Variants in TLR6 observed in about 807,000 individuals in gnomAD.
The protein encoded by TLR6 is toll-like receptor 6.
A neutral mutation model predicts 16.1 loss-of-function variants in TLR6; 9 were observed. The ratio of observed to expected loss-of-function variants is 0.56; its 90% CI spans 0.34 to 0.98. TLR6 has a LOEUF of 0.98. TLR6 is among the 50% of genes least tolerant of loss of function. TLR6 has a pLI of 0.02. For missense variants in TLR6, 786 were observed against 921.0 expected, an observed-to-expected ratio of 0.85 and a Z score of 1.90; for synonymous variants, 340 against 338.6, an observed-to-expected ratio of 1.00 and a Z score of -0.04.
At chr4:38,823,764 G>A (rs1442724819) in exon 2 of TLR6, 1 of 152,206 alleles carries the variant, frequency 6.6e-6, no homozygotes, top group Admixed American at 6.5e-5. Context: ...CGGCAGGGAA[G>A]ATGCCTGACC....
At chr4:38,848,755 G>C (rs573864811) in intron 1 of TLR6, among the ~76,000 whole-genome samples, 1 of 152,180 alleles carries the variant, frequency 6.6e-6, no homozygotes, top group African/African-American at 2.4e-5. Context: ...AACAAACAAA[G>C]CCTCCAAGAA....
chr4:38,849,392 A>G (rs1422145759), intron 1 of TLR6, among the ~76,000 whole-genome samples: 1 of 152,240 alleles, frequency 6.6e-6, no homozygotes, highest in Non-Finnish European at 1.5e-5. Flanking sequence ...ATAACCAGCT[A>G]ACATCATAAT....
chr4:38,824,142 C>T (rs959953833), exon 2 of TLR6: 1 of 152,108 alleles, frequency 6.6e-6, no homozygotes, highest in South Asian at 2.1e-4. Context: ...GGACATTTCC[C>T]GCATGGGACC....
At chr4:38,867,463 T>C in the TLR6 span, among the ~76,000 whole-genome samples, 1 of 151,892 alleles carries the variant, frequency 6.6e-6, no homozygotes, top group East Asian at 1.9e-4. Flanking sequence ...AGATCAAACT[T>C]TAGCTGAATT....
At chr4:38,844,981 C>T (rs1455495148) in intron 1 of TLR6, among the ~76,000 whole-genome samples, 1 of 152,158 alleles carries the variant, frequency 6.6e-6, no homozygotes, top group African/African-American at 2.4e-5. Flanking sequence ...ATCGTTCGAA[C>T]CTGGGAGGCG....
the TLR6 span, among the ~76,000 whole-genome samples, chr4:38,864,321 C>T: frequency 6.6e-6 from 1 of 152,172 alleles, no homozygotes; most frequent in Non-Finnish European, 1.5e-5. Context: ...GTATTTGGTA[C>T]ACAGTGCATG....
Position 38,827,511 on chromosome 4 carries a change from A to G in TLR6, c.1963T>C (p.Trp655Arg), listed in dbSNP as rs1276680020. Residue 655 changes from tryptophan (W) to arginine (R), a missense_variant, in exon 2 of 2, where the codon TGG (tryptophan) becomes CGG (arginine). By Grantham distance (101) the Trp-to-Arg change is moderately radical. Coordinates refer to ENST00000436693, the Ensembl canonical transcript of TLR6. ...TAAGGTACCAATTCACTTTTCACCC[A>G]GGCAGAATCATGTTCACTATATGAA... The G allele has an allele frequency of 6.8e-6, 11 of 1,614,224 alleles. No homozygotes were observed. In the East Asian group the frequency reaches 2.2e-4, roughly 33 times the overall value.
rs146077550 is a variant in TLR6, at chr4:38,840,191, A to G, written c.-64-10654T>C. 2.4e-3 allele frequency among the ~76,000 whole-genome samples: 371 copies of G among 152,350 alleles called. 4 individuals carry two copies. The highest frequency in any genetic ancestry group is 8.6e-3 in the African/African-American group (357 of 41,574). Reference sequence around the variant, plus strand: ...CCACATAATGTGGCAATGATGAAAAATTTAGTTTAAAAATACATTATTTGT... The same window carrying G: ...CCACATAATGTGGCAATGATGAAAAGTTTAGTTTAAAAATACATTATTTGT... On this transcript the variant is annotated intron_variant, in intron 1 of 1. Coordinates refer to ENST00000436693, the Ensembl canonical transcript of TLR6.
At chr4:38,831,332 G>A (rs901974437) in intron 1 of TLR6, among the ~76,000 whole-genome samples, 5 of 150,496 alleles carry the variant, frequency 3.3e-5, no homozygotes, top group African/African-American at 7.3e-5. Flanking sequence ...GAATTTAGAC[G>A]CAGACCTTAC....
chr4:38,832,103 C>T (rs938751404), intron 1 of TLR6, among the ~76,000 whole-genome samples: 2 of 152,138 alleles, frequency 1.3e-5, no homozygotes, highest in Non-Finnish European at 2.9e-5. Flanking sequence ...AACAAGATAT[C>T]CCTCAATAGA....
exon 2 of TLR6, chr4:38,826,896 G>C (rs1177068915): frequency 3.7e-6 from 2 of 535,044 alleles, no homozygotes; most frequent in Non-Finnish European, 6.5e-6. Context: ...GAAGAGACTG[G>C]GCTGTCTCTA....
chr4:38,828,703 G>A (rs746702455), exon 2 of TLR6: 1 of 1,614,162 alleles, frequency 6.2e-7, no homozygotes, highest in Non-Finnish European at 8.5e-7. Context: ...TTTCTATGTG[G>A]TTGAGGGTAA....
chr4:38,836,757 G>A (rs1236067598), intron 1 of TLR6, among the ~76,000 whole-genome samples: 13 of 151,874 alleles, frequency 8.6e-5, no homozygotes, highest in Admixed American at 8.5e-4. Flanking sequence ...TGGCCAACAT[G>A]GTGAAACCTT....
chr4:38,829,204 T>C, exon 2 of TLR6: 2 of 1,614,174 alleles, frequency 1.2e-6, no homozygotes, highest in Non-Finnish European at 1.7e-6. Context: ...TTAAATCAAG[T>C]AGCTGGATTC....
chr4:38,848,432 A>G (rs1201069296), intron 1 of TLR6, among the ~76,000 whole-genome samples: 5 of 152,282 alleles, frequency 3.3e-5, no homozygotes, highest in Non-Finnish European at 7.3e-5. Context: ...AGCTGGAGAG[A>G]GAATGACTTT....
chr4:38,824,959 G>C (rs1294885060), exon 2 of TLR6: 1 of 152,116 alleles, frequency 6.6e-6, no homozygotes, highest in African/African-American at 2.4e-5. Flanking sequence ...ACCACACCCG[G>C]CTAATTTTTG....
upstream of TLR6, among the ~76,000 whole-genome samples, chr4:38,860,075 TAATA>T (rs199763798): frequency 2.0e-4 from 30 of 152,040 alleles, no homozygotes; most frequent in Middle Eastern, 3.4e-3. Context: ...TTTCTCCAGA[TAATA>T]AATAAATAAA....
At chr4:38,855,841 A>C (rs953680270) in intron 1 of TLR6, among the ~76,000 whole-genome samples, 1 of 146,458 alleles carries the variant, frequency 6.8e-6, no homozygotes, top group Admixed American at 6.8e-5. Context: ...AAGATTAGAG[A>C]GTTCACAGTT....
chr4:38,857,689 A>G (rs1308434666), upstream of TLR6, among the ~76,000 whole-genome samples: 1 of 152,184 alleles, frequency 6.6e-6, no homozygotes, highest in East Asian at 1.9e-4. Context: ...AGACCTTACA[A>G]TTTGGCTAAT....
Sources: allele counts gnomAD v4.1 joint callset (sites outside exome capture counted in the v4.1 genomes callset), GRCh38; gene constraint gnomAD v4.1.1; transcripts MANE v1.5; gene names NCBI Gene and HGNC (gene_info 2026-07-23, HGNC 2026-07-21).